Variants in PRSS21 observed in about 807,000 individuals in gnomAD.
The protein encoded by PRSS21 is testisin.
Under a neutral mutation model 31.1 loss-of-function variants are expected in PRSS21, and 40 were observed. The ratio of observed to expected loss-of-function variants is 1.29; its 90% CI spans 1.00 to 1.68. The LOEUF is 1.68. Ranked by LOEUF, PRSS21 falls within the 40% of genes most tolerant of loss-of-function variation. PRSS21 has a pLI of 0.00. For missense variants in PRSS21, 467 were observed against 412.6 expected (o/e 1.13, Z -1.14); for synonymous variants, 186 against 167.7 (o/e 1.11, Z -0.84).
At position 2,817,449 on chromosome 16, in the gene PRSS21, G is replaced by T; in HGVS notation, c.84G>T (p.Pro28=). 6.3e-7 allele frequency: 1 copy of T among 1,582,964 alleles called. No homozygotes were observed. The highest frequency in any genetic ancestry group is 2.3e-5 in the East Asian group (1 of 43,198). The change falls in exon 2 of 6, where the codon CCG becomes CCT. Residue 28 remains proline (P), a synonymous_variant. Transcript: ENST00000005995. This position sits in a 1 kb window ranked among gnomAD's most constrained non-coding sequence, Gnocchi z 4.2. ...CCGCAGAGTCGCAGGAGGCGGCGCC[G>T]TTATCAGGTAGGGCGCCCAGGACGC... is the stretch of plus-strand genomic sequence containing the variant. The part of the protein sequence containing the change: ...LRKPESQEAA[P]LSGPCGRRVI...
Position 2,817,729 on chromosome 16 carries a change from A to AT in PRSS21, c.92-72_92-71insT. On this transcript the variant is annotated intron_variant, in intron 2 of 5. Transcript: ENST00000005995. This position sits in a 1 kb window ranked among gnomAD's most constrained non-coding sequence, Gnocchi z 4.2. Reference sequence around the variant, plus strand: ...AAACGTGCTTTCCCGGACGGGGTTGAAGGGGAGAAAGGGAGAGGTCGGGCT... The same window carrying AT: ...AAACGTGCTTTCCCGGACGGGGTTGATAGGGGAGAAAGGGAGAGGTCGGGCT... 5 of 1,513,364 alleles carry AT rather than the reference A, an allele frequency of 3.3e-6. 1 individual carries two copies. In the South Asian group the frequency reaches 6.2e-5, roughly 19 times the overall value. 93.7% of individuals were successfully genotyped at this position (1,513,364 alleles called of 1,614,324 possible). A position where few individuals can be genotyped will look rare whatever the true frequency, so the allele number is the denominator to read the frequency against.
At position 2,817,359 on chromosome 16, in the gene PRSS21, TG is replaced by T; in HGVS notation, c.64+31del. ...TGAGCTCGGGGCGCTGCTGGCGGGA[TG>T]GGGAGGCGGGGGAGCGGTGGGGAGG... On this transcript the variant is annotated intron_variant, in intron 1 of 5. Transcript: ENST00000005995. The surrounding 1 kb of genome is among the most constrained non-coding windows in gnomAD (Gnocchi z 4.2). 1 of 1,479,186 alleles carries T rather than the reference TG, an allele frequency of 6.8e-7. No homozygotes were observed. The allele number at this position is 1,479,186 out of a possible 1,614,324, so 91.6% of individuals were successfully genotyped here. A position where few individuals can be genotyped will look rare whatever the true frequency, so the allele number is the denominator to read the frequency against.
chr16:2,817,582 T>C lies in PRSS21; in HGVS notation c.91+126T>C. ...CCGCCCCCGGGATCGAGAACTCTGT[T>C]GGCGTGGAAAGTAACTAACGGACGC... On this transcript the variant is annotated intron_variant, in intron 2 of 5. Transcript: ENST00000005995. The surrounding 1 kb of genome is among the most constrained non-coding windows in gnomAD (Gnocchi z 4.2). 1 of 1,406,676 alleles carries C rather than the reference T, an allele frequency of 7.1e-7. No individual in the cohort carries two copies. The highest frequency in any genetic ancestry group is 1.4e-5 in the South Asian group (1 of 71,652). 87.1% of individuals were successfully genotyped at this position (1,406,676 alleles called of 1,614,324 possible). A position where few individuals can be genotyped will look rare whatever the true frequency, so the allele number is the denominator to read the frequency against.
chr16:2,821,092 G>A lies in PRSS21; in HGVS notation c.688G>A (p.Gly230Arg), dbSNP rs373819301. 1.4e-5 allele frequency: 22 copies of A among 1,614,094 alleles called. No homozygotes were observed. Among genetic ancestry groups the A allele is most frequent in the African/African-American group, 4.0e-5 (3 of 75,054 alleles). Residue 230 changes from glycine to arginine, a missense_variant, in exon 5 of 6, where the codon GGG (glycine) becomes AGG (arginine). Physicochemically the swap from Gly to Arg is moderately radical, Grantham distance 125. Transcript: ENST00000005995. ...GGTTTGTGCTGGCAATGCCCAAGGC[G>A]GGAAGGATGCCTGCTTCGTGAGTGT... ...DMVCAGNAQG[G>R]KDACFGDSGG... is the part of the protein sequence containing the mutation.
chr16:2,820,599 C>T (rs2069153894), intron 4 of PRSS21, among the ~76,000 whole-genome samples: 1 of 152,210 alleles, frequency 6.6e-6, no homozygotes, highest in African/African-American at 2.4e-5. Flanking sequence ...GCTGCCCCTC[C>T]CCCAGGTCTG....
Position 2,817,323 on chromosome 16 carries a change from A to G in PRSS21, c.55A>G (p.Arg19Gly), listed in dbSNP as rs775466353. 6 of 1,548,848 alleles carry G rather than the reference A, an allele frequency of 3.9e-6. No individual in the cohort carries two copies. The highest frequency in any genetic ancestry group is 2.4e-5 in the East Asian group (1 of 41,488). ...GCTGCTGCTGGCTCGGGCTGGACTC[A>G]GGAAGCCGGGTGAGCTCGGGGCGCT... ...LALLLARAGL[R>G]KPESQEAAPL... Residue 19 changes from arginine (R) to glycine (G), a missense_variant, in exon 1 of 6, where the codon AGG becomes GGG. Arg to Gly is a moderately radical substitution (Grantham distance 125). Coordinates refer to ENST00000005995, the MANE Select transcript of PRSS21 (RefSeq NM_006799.4). The surrounding 1 kb of genome is among the most constrained non-coding windows in gnomAD (Gnocchi z 4.2).
intron 3 of PRSS21, 39 bp downstream of exon 3, chr16:2,818,005 A>G: frequency 2.0e-6 from 3 of 1,531,488 alleles, no homozygotes; most frequent in Non-Finnish European, 1.8e-6. Context: ...GGGGACGGGC[A>G]GGAACAGGGC....
At chr16:2,821,211 A>G (rs1247151829) in intron 5 of PRSS21, 102 bp downstream of exon 5, 1 of 1,545,206 alleles carries the variant, frequency 6.5e-7, no homozygotes, top group African/African-American at 1.4e-5. Context: ...CTGTTGCCCC[A>G]CTCTGCAGAT....
At chr16:2,819,535 G>A (rs374006249) in intron 4 of PRSS21, among the ~76,000 whole-genome samples, 25 of 152,188 alleles carry the variant, frequency 1.6e-4, no homozygotes, top group African/African-American at 5.1e-4. Context: ...GAGGAGCCCC[G>A]GCAGCCCCAG....
At chr16:2,819,094 C>T in intron 4 of PRSS21, 125 bp downstream of exon 4, 4 of 1,093,606 alleles carry the variant, frequency 3.7e-6, no homozygotes, top group Non-Finnish European at 5.2e-6. Context: ...GCAGTCTCTC[C>T]TCACCTGCCA....
At position 2,817,307 on chromosome 16, in the gene PRSS21, G is replaced by A; in HGVS notation, c.39G>A (p.Leu13=). Residue 13 remains leucine (L), a synonymous_variant, in exon 1 of 6, where the codon CTG becomes CTA. Transcript: ENST00000005995. This position sits in a 1 kb window ranked among gnomAD's most constrained non-coding sequence, Gnocchi z 4.2. ...ARGALLLALL[L]ARAGLRKPES... is the part of the protein sequence containing the mutation. ...GGGCGCTGCTGCTGGCGCTGCTGCT[G>A]GCTCGGGCTGGACTCAGGAAGCCGG... 1 of 1,542,860 alleles carries A rather than the reference G, an allele frequency of 6.5e-7. No individual in the cohort carries two copies. The highest frequency in any genetic ancestry group is 8.7e-7 in the Non-Finnish European group (1 of 1,147,970).
chr16:2,819,516 C>T (rs1230555096), intron 4 of PRSS21, among the ~76,000 whole-genome samples: 1 of 152,250 alleles, frequency 6.6e-6, no homozygotes, highest in Non-Finnish European at 1.5e-5. Context: ...GAAGTGGGCC[C>T]AGCATCCGGA....
Position 2,818,696 on chromosome 16 carries a change from C to G in PRSS21, c.277C>G (p.Pro93Ala). 6.2e-7 allele frequency: 1 copy of G among 1,614,106 alleles called. No individual in the cohort carries two copies. Among genetic ancestry groups the G allele is most frequent in the Non-Finnish European group, 8.5e-7 (1 of 1,179,978 alleles). Reference protein sequence around the residue: ...CFETYSDLSDPSGWMVQFGQL... With the variant: ...CFETYSDLSDASGWMVQFGQL... ...TGCCAGCTATAGTGACCTTAGTGATCCCTCCGGGTGGATGGTCCAGTTTGG... is the reference window on the plus strand; with the variant it reads ...TGCCAGCTATAGTGACCTTAGTGATGCCTCCGGGTGGATGGTCCAGTTTGG... The change falls in exon 4 of 6, where the codon CCC becomes GCC. Residue 93 changes from proline to alanine, a missense_variant. Pro to Ala is a conservative substitution (Grantham distance 27, BLOSUM62 -1). Transcript: ENST00000005995.
intron 4 of PRSS21, 48 bp from the exon 5 acceptor site, chr16:2,820,907 A>T: frequency 6.3e-7 from 1 of 1,590,596 alleles, no homozygotes; most frequent in Non-Finnish European, 8.6e-7. Flanking sequence ...CCCTCCATAG[A>T]GGGGCCTCAG....
At position 2,818,780 on chromosome 16, in the gene PRSS21, G is replaced by GTATCGAA. The variant is rs1387923474; in HGVS notation, c.366_372dup (p.Tyr125GlufsTer15). On this transcript the variant is annotated frameshift_variant, in exon 4 of 6. Transcript: ENST00000005995. LOFTEE classifies it high-confidence loss of function. ...GCAGGCCTACTACACCCGTTACTTCGTATCGAATATCTATCTGAGCCCTCG... is the reference window on the plus strand; with the variant it reads ...GCAGGCCTACTACACCCGTTACTTCGTATCGAATATCGAATATCTATCTGAGCCCTCG... 2.5e-6 allele frequency: 4 copies of GTATCGAA among 1,613,402 alleles called. No individual in the cohort carries two copies. The East Asian group carries it at 8.9e-5, about 36-fold the overall frequency.
chr16:2,817,962 G>A lies in PRSS21; in HGVS notation c.253G>A (p.Glu85Lys). 6.5e-7 allele frequency: 1 copy of A among 1,548,164 alleles called. No homozygotes were observed. Among genetic ancestry groups the A allele is most frequent in the Non-Finnish European group, 8.7e-7 (1 of 1,146,374 alleles). ...RWALTAAHCFETYSDLSDPSG... is the reference protein window; with the variant it reads ...RWALTAAHCFKTYSDLSDPSG... Reference sequence around the variant, plus strand: ...GGCACTCACGGCGGCGCACTGCTTTGAAACGTGAGTGGGGGTGCGAACGGA... The same window carrying A: ...GGCACTCACGGCGGCGCACTGCTTTAAAACGTGAGTGGGGGTGCGAACGGA... The change falls in exon 3 of 6, where the codon GAA becomes AAA. Residue 85 changes from glutamate (E) to lysine (K), a missense_variant. By Grantham distance (56) the Glu-to-Lys change is moderately conservative. Transcript: ENST00000005995. The surrounding 1 kb of genome is among the most constrained non-coding windows in gnomAD (Gnocchi z 4.2).
intron 4 of PRSS21, among the ~76,000 whole-genome samples, chr16:2,820,093 G>A (rs1382120723): frequency 6.6e-6 from 1 of 152,210 alleles, no homozygotes; most frequent in African/African-American, 2.4e-5. Flanking sequence ...CGGGGAGGCA[G>A]GGGACAGGCA....
chr16:2,818,220 G>C (rs2069113105), intron 3 of PRSS21, among the ~76,000 whole-genome samples: 1 of 152,164 alleles, frequency 6.6e-6, no homozygotes, highest in South Asian at 2.1e-4. Flanking sequence ...ACACACTTTT[G>C]GGTATTCTCT....
At chr16:2,820,698 C>G (rs766623982) in intron 4 of PRSS21, among the ~76,000 whole-genome samples, 1 of 152,330 alleles carries the variant, frequency 6.6e-6, no homozygotes, top group African/African-American at 2.4e-5. Flanking sequence ...TGGCTGCAGG[C>G]AGGGCCATTG....
Sources: allele counts gnomAD v4.1 joint callset (sites outside exome capture counted in the v4.1 genomes callset), GRCh38; gene constraint gnomAD v4.1.1; non-coding constraint Gnocchi (gnomAD v3.1); transcripts MANE v1.5; gene names NCBI Gene and HGNC (gene_info 2026-07-23, HGNC 2026-07-21).